Variants in COLEC10 observed in about 807,000 individuals in gnomAD.
COLEC10 encodes collectin subfamily member 10, also known as collectin-10.
A neutral mutation model predicts 28.4 loss-of-function variants in COLEC10; 22 were observed. That is an observed-to-expected ratio of 0.78 (90% CI 0.55 to 1.11). The LOEUF (loss-of-function observed/expected upper bound fraction) is 1.11. Among genes scored for constraint, COLEC10 ranks in the 50% least tolerant of loss-of-function variants. COLEC10 has a pLI of 0.00. For missense variants in COLEC10, 361 were observed against 344.1 expected (o/e 1.05, Z -0.39); for synonymous variants, 125 against 116.1 (o/e 1.08, Z -0.49).
intron 1 of COLEC10, among the ~76,000 whole-genome samples, chr8:119,076,067 ATTTTTTT>A (rs11330366): frequency 1.8e-4 from 16 of 90,094 alleles, no homozygotes; most frequent in Non-Finnish European, 2.5e-4. Flanking sequence ...CGCCCGGCTA[ATTTTTTT>A]TTTTTTTTTT....
intron 2 of COLEC10, among the ~76,000 whole-genome samples, chr8:119,025,338 C>T (rs1044296432): frequency 5.3e-5 from 8 of 152,168 alleles, no homozygotes; most frequent in East Asian, 3.9e-4. Flanking sequence ...TATTACATAA[C>T]GCTTGGTACT....
intron 2 of COLEC10, among the ~76,000 whole-genome samples, chr8:119,022,297 CTT>C (rs543201779): frequency 1.3e-5 from 2 of 152,228 alleles, no homozygotes; most frequent in East Asian, 3.9e-4. Context: ...AGCACCCTCT[CTT>C]AAGGAGACAG....
chr8:119,072,864 T>C (rs1815152532), intron 1 of COLEC10, among the ~76,000 whole-genome samples: 1 of 152,156 alleles, frequency 6.6e-6, no homozygotes, highest in Non-Finnish European at 1.5e-5. Context: ...GAAGACCTCT[T>C]AGCAACTGAA....
At position 119,108,190 on chromosome 8, in the gene COLEC10, T is replaced by C. The variant is rs6469809; in HGVS notation, c.*1999T>C. ...GAAAAGCTTAATAAAAATTACAAAG[T>C]AGGACATCAAACGCCAGTATCCTTG... On this transcript the variant is annotated 3_prime_UTR_variant, in exon 6 of 6. Transcript: ENST00000332843. Among the ~76,000 whole-genome samples the C allele has an allele frequency of 0.18, 26,649 of 152,064 alleles. 4,856 individuals carry two copies. The highest frequency in any genetic ancestry group is 0.47 in the African/African-American group (19,268 of 41,422).
chr8:118,956,085 T>C, the COLEC10 span, among the ~76,000 whole-genome samples: 14,373 of 152,186 alleles, frequency 0.094, 836 homozygotes, highest in African/African-American at 0.17. Flanking sequence ...TTCTTCTGGT[T>C]TGCAGACTGC....
chr8:119,093,332 T>C (rs1815648127), intron 3 of COLEC10, among the ~76,000 whole-genome samples: 1 of 152,208 alleles, frequency 6.6e-6, no homozygotes, highest in African/African-American at 2.4e-5. Context: ...CCCTTCAGCC[T>C]GCATTCGGAG....
rs1165354121 is a variant in COLEC10 at position 119,067,358 on chromosome 8, T to C, written c.77T>C (p.Leu26Pro). The change falls in exon 1 of 6, where the codon CTG becomes CCG. Residue 26 changes from leucine to proline, a missense_variant. By Grantham distance (98) the Leu-to-Pro change is moderately conservative (BLOSUM62 -3). Coordinates refer to ENST00000332843, the MANE Select transcript of COLEC10 (RefSeq NM_006438.5). The part of the protein sequence containing the change: ...LVLFLLQIQS[L>P]GLDIDSRPTA... ...CTATTTCTTTTGCAAATTCAGAGTC[T>C]GGGTCTGGATATTGATAGCCGTCCT... 1 of 1,614,084 alleles carries C rather than the reference T, an allele frequency of 6.2e-7. No homozygotes were observed. Among genetic ancestry groups the C allele is most frequent in the Admixed American group, 1.7e-5 (1 of 60,008 alleles).
chr8:118,992,303 A>G (rs1017174701), upstream of COLEC10, among the ~76,000 whole-genome samples: 2 of 152,256 alleles, frequency 1.3e-5, no homozygotes, highest in African/African-American at 4.8e-5. Context: ...TGTGAGAAAC[A>G]TCCTCTCTTC....
At chr8:119,093,249 G>T (rs1372810308) in intron 3 of COLEC10, among the ~76,000 whole-genome samples, 1 of 152,166 alleles carries the variant, frequency 6.6e-6, no homozygotes, top group Non-Finnish European at 1.5e-5. Flanking sequence ...CTTAGGCTGT[G>T]GCCTCTCTCT....
chr8:119,045,437 AGAAAGCT>A (rs773655137), intron 2 of COLEC10, among the ~76,000 whole-genome samples: 2 of 151,768 alleles, frequency 1.3e-5, no homozygotes, highest in African/African-American at 2.4e-5. Context: ...CTGACAATAG[AGAAAGCT>A]GAAACAATGG....
intron 2 of COLEC10, among the ~76,000 whole-genome samples, chr8:119,017,640 A>G (rs190638274): frequency 5.9e-5 from 9 of 152,270 alleles, no homozygotes; most frequent in Admixed American, 1.3e-4. Flanking sequence ...CTTCTTCCAG[A>G]CAGAGTTACC....
rs371584927 is a variant in COLEC10 at position 119,103,760 on chromosome 8, G to A, written c.347-40G>A. The A allele has an allele frequency of 5.7e-5, 69 of 1,212,578 alleles. No individual in the cohort carries two copies. In the African/African-American group the frequency reaches 7.5e-4, roughly 13 times the overall value. The allele number at this position is 1,212,578 out of a possible 1,614,324, so 75.1% of individuals were successfully genotyped here. On this transcript the variant is annotated intron_variant, in intron 4 of 5. Coordinates refer to ENST00000332843, the MANE Select transcript of COLEC10 (RefSeq NM_006438.5). Reference sequence around the variant, plus strand: ...AAATGTTCCTTTCCACTGGTCTGCAGGTACTTCAACATGAATTCACAGTTT... The same window carrying A: ...AAATGTTCCTTTCCACTGGTCTGCAAGTACTTCAACATGAATTCACAGTTT...
At position 119,044,995 on chromosome 8, in the gene COLEC10, TCCAG is replaced by T. The variant is rs1193660727; in HGVS notation, n.235+35443_235+35446del. Among the ~76,000 whole-genome samples the T allele has an allele frequency of 3.3e-5, 5 of 152,214 alleles. No homozygotes were observed. In the East Asian group the frequency reaches 7.7e-4, roughly 23 times the overall value. The stretch of plus-strand genomic sequence containing the variant: ...GAATGAATTAGACTATCTCTTTCTT[TCCAG>T]TTCTAATTTTAGACTCCCATGTTCT... On this transcript the variant is annotated intron_variant and non_coding_transcript_variant, in intron 2 of 6. Transcript: ENST00000521788.
chr8:119,101,137 G>C (rs1815816568), intron 3 of COLEC10, among the ~76,000 whole-genome samples: 1 of 152,118 alleles, frequency 6.6e-6, no homozygotes, highest in Non-Finnish European at 1.5e-5. Flanking sequence ...AGGCTTGGCA[G>C]AACCTTAATA....
At chr8:119,100,209 G>A (rs1015659946) in intron 3 of COLEC10, among the ~76,000 whole-genome samples, 1 of 152,148 alleles carries the variant, frequency 6.6e-6, no homozygotes, top group African/African-American at 2.4e-5. Flanking sequence ...TGAAAGGGGG[G>A]TTAGAAATGG....
intron 1 of COLEC10, among the ~76,000 whole-genome samples, chr8:119,077,287 G>A (rs2130248256): frequency 7.6e-6 from 1 of 132,078 alleles, no homozygotes; most frequent in Non-Finnish European, 1.6e-5. Context: ...TGATTTGGGA[G>A]ACAATACCAT....
At chr8:119,086,600 T>G (rs1184590817) in intron 1 of COLEC10, among the ~76,000 whole-genome samples, 1 of 152,034 alleles carries the variant, frequency 6.6e-6, no homozygotes, top group Non-Finnish European at 1.5e-5. Flanking sequence ...CCCTCCCAGA[T>G]CTCCATCAAG....
In COLEC10 at chr8:119,075,987, G is replaced by A. The variant is rs190114730; in HGVS notation, c.148+8558G>A. ...GCGATCTCGGCTCACTGCAAGCTCC[G>A]CCTCCTGGGTTCATGCCATTCTCCT... On this transcript the variant is annotated intron_variant, in intron 1 of 5. Coordinates refer to ENST00000332843, the MANE Select transcript of COLEC10 (RefSeq NM_006438.5). 3.4e-3 allele frequency among the ~76,000 whole-genome samples: 467 copies of A among 135,394 alleles called. 3 individuals carry two copies. Among genetic ancestry groups the A allele is most frequent in the African/African-American group, 0.012 (447 of 35,808 alleles). 88.8% of individuals were successfully genotyped at this position (135,394 alleles called of 152,430 possible). A position where few individuals can be genotyped will look rare whatever the true frequency, so the allele number is the denominator to read the frequency against.
the COLEC10 span, among the ~76,000 whole-genome samples, chr8:118,982,082 C>A: frequency 6.6e-6 from 1 of 151,934 alleles, no homozygotes; most frequent in African/African-American, 2.4e-5. Flanking sequence ...CTAGCTCAGT[C>A]CGACATGATT....
Sources: allele counts gnomAD v4.1 joint callset (sites outside exome capture counted in the v4.1 genomes callset), GRCh38; gene constraint gnomAD v4.1.1; transcripts MANE v1.5; gene names NCBI Gene and HGNC (gene_info 2026-07-23, HGNC 2026-07-21).